The following ABCC10 variants were observed in gnomAD, a reference collection of about 807,000 sequenced individuals.
The protein encoded by ABCC10 is ATP-binding cassette sub-family C member 10.
ABCC10 carries 110 observed loss-of-function variants against 143.2 expected under a neutral mutation model. The ratio of observed to expected loss-of-function variants is 0.77; its 90% CI spans 0.66 to 0.90. ABCC10 has a LOEUF of 0.90. ABCC10 is among the 40% of genes least tolerant of loss of function. The probability of loss-of-function intolerance (pLI) is 0.00; values close to 1 mark genes in which losing one functional copy is unlikely to be tolerated. For synonymous variants in ABCC10, 805 were observed against 846.7 expected, an observed-to-expected ratio of 0.95 and a Z score of 0.85; for missense variants, 1,700 against 1,900.5, an observed-to-expected ratio of 0.89 and a Z score of 1.96.
rs775743306 is a variant in ABCC10 at position 43,446,383 on chromosome 6, G to A, written c.3481G>A (p.Ala1161Thr). 3.1e-5 allele frequency: 50 copies of A among 1,613,240 alleles called. No individual in the cohort carries two copies. The South Asian group carries it at 5.4e-4, about 17-fold the overall frequency. The stretch of plus-strand genomic sequence containing the variant: ...CATTCGGCTACAGCTCATGGGGGCG[G>A]CAGTGGTCAGCGCTATCGCAGGCAT... ...LDIRLQLMGA[A>T]VVSAIAGIAL... Residue 1161 changes from alanine (A) to threonine (T), a missense_variant, in exon 16 of 22, where the codon GCA becomes ACA. Physicochemically the swap from Ala to Thr is moderately conservative, Grantham distance 58. Coordinates refer to ENST00000372530, the MANE Select transcript of ABCC10 (RefSeq NM_001198934.2).
At chr6:43,437,433 CAAAAAAAAAA>C (rs57827467) in intron 6 of ABCC10, among the ~76,000 whole-genome samples, 7,695 of 102,480 alleles carry the variant, frequency 0.075, 321 homozygotes, top group Admixed American at 0.11. Flanking sequence ...AACATATGAC[CAAAAAAAAAA>C]AAAAAAAAAA....
Position 43,444,842 on chromosome 6 carries a change from C to T in ABCC10, c.2744C>T (p.Ala915Val). The T allele has an allele frequency of 6.2e-7, 1 of 1,613,810 alleles. No individual in the cohort carries two copies. Among genetic ancestry groups the T allele is most frequent in the Non-Finnish European group, 8.5e-7 (1 of 1,179,832 alleles). The change falls in exon 13 of 22, where the codon GCT becomes GTT. Residue 915 changes from alanine to valine, a missense_variant. Transcript: ENST00000372530. ...TCCCACTGGATCTCTCAGCTGAAGG[C>T]TGAGAATAGCTCCCAGGAGGCGCAA... ...WLSHWISQLK[A>V]ENSSQEAQPS...
rs761236583 is a variant in ABCC10 at position 43,432,341 on chromosome 6, G to T, written c.361G>T (p.Val121Leu). 7 of 1,613,870 alleles carry T rather than the reference G, an allele frequency of 4.3e-6. No homozygotes were observed. The East Asian group carries it at 1.3e-4, about 31-fold the overall frequency. ...GATCAGCCACAGCCTGGCCCTGTGG[G>T]TGTTGGCACATTCCCCTCATGGCCA... ...AWISHSLALW[V>L]LAHSPHGHSR... is the part of the protein sequence containing the mutation. The change falls in exon 3 of 22, where the codon GTG becomes TTG. Residue 121 changes from valine (V) to leucine (L), a missense_variant. Val to Leu is a conservative substitution (Grantham distance 32). Transcript: ENST00000372530.
rs754462368 is a variant in ABCC10, at chr6:43,435,758, CGGCCCT to C, written c.1620_1625del (p.Ala542_Leu543del). 1.2e-6 allele frequency: 2 copies of C among 1,614,004 alleles called. No homozygotes were observed. The highest frequency in any genetic ancestry group is 2.2e-5 in the South Asian group (2 of 91,070). ...TGCACCCACCTCACTCAGGTGTTCACGGCCCTGGCACTGGTGCGAATGCTCATTCTT... is the reference window on the plus strand; with the variant it reads ...TGCACCCACCTCACTCAGGTGTTCACGGCACTGGTGCGAATGCTCATTCTT... On this transcript the variant is annotated inframe_deletion, in exon 5 of 22. Transcript: ENST00000372530.
chr6:43,445,423 A>G, intron 14 of ABCC10, 109 bp downstream of exon 14: 1 of 1,384,220 alleles, frequency 7.2e-7, no homozygotes, highest in South Asian at 1.3e-5. Context: ...CTGCCCTGGG[A>G]TATTCTTCCT....
At chr6:43,444,389 G>A (rs768065946) in intron 12 of ABCC10, 36 bp downstream of exon 12, 52 of 1,559,898 alleles carry the variant, frequency 3.3e-5, no homozygotes, top group South Asian at 3.3e-4. Flanking sequence ...ACATCGTAAC[G>A]GCTGTGCTGT....
chr6:43,427,686 A>G lies in ABCC10; in HGVS notation c.-83A>G, dbSNP rs949437847. 9.7e-6 allele frequency: 5 copies of G among 516,970 alleles called. No individual in the cohort carries two copies. The highest frequency in any genetic ancestry group is 7.7e-5 in the African/African-American group (4 of 51,824). The allele number at this position is 516,970 out of a possible 1,614,324, so 32.0% of individuals were successfully genotyped here. ...CTCAGGATATCGGAATCCGGTGCAC[A>G]GCAGCTTCTTCAGGTTTGAGGTTCC... On this transcript the variant is annotated 5_prime_UTR_variant, in exon 1 of 22. Coordinates refer to ENST00000372530, the MANE Select transcript of ABCC10 (RefSeq NM_001198934.2).
chr6:43,441,783 C>T, intron 8 of ABCC10, 79 bp from the exon 9 acceptor site: 1 of 1,209,356 alleles, frequency 8.3e-7, no homozygotes. Context: ...TTGACTCCCA[C>T]TATCTCCTGC....
In ABCC10 at chr6:43,446,444, C is replaced by T. The variant is rs768692045; in HGVS notation, c.3542C>T (p.Pro1181Leu). 6.2e-7 allele frequency: 1 copy of T among 1,610,068 alleles called. No individual in the cohort carries two copies. The highest frequency in any genetic ancestry group is 1.1e-5 in the South Asian group (1 of 90,906). ...CAGCACCAGCAGGGCCTCGCTAACC[C>T]AGGTGCCACCCAGGACCCCTCACCC... ...LVQHQQGLAN[P>L]GLVGLSLSYA... The change falls in exon 16 of 22, where the codon CCA becomes CTA. Residue 1181 changes from proline (P) to leucine (L), a missense_variant and splice_region_variant. Pro to Leu is a moderately conservative substitution (Grantham distance 98). Coordinates refer to ENST00000372530, the MANE Select transcript of ABCC10 (RefSeq NM_001198934.2).
chr6:43,443,516 A>T lies in ABCC10; in HGVS notation c.2416+357A>T, dbSNP rs1487158557. 3.5e-6 allele frequency: 1 copy of T among 283,790 alleles called. No homozygotes were observed. The highest frequency in any genetic ancestry group is 2.2e-5 in the African/African-American group (1 of 46,284). 17.6% of individuals were successfully genotyped at this position (283,790 alleles called of 1,614,324 possible). On this transcript the variant is annotated intron_variant, in intron 10 of 21. Coordinates refer to ENST00000372530, the MANE Select transcript of ABCC10 (RefSeq NM_001198934.2). The surrounding 1 kb of genome is among the most constrained non-coding windows in gnomAD (Gnocchi z 4.2). ...CTCTGAAAGATTTTTATGCAGAGGG[A>T]TGTGACCACCTGCAAGTTTACTGGG...
At chr6:43,433,990 G>A (rs1345620181) in intron 3 of ABCC10, among the ~76,000 whole-genome samples, 2 of 152,356 alleles carry the variant, frequency 1.3e-5, no homozygotes, top group Admixed American at 6.5e-5. Flanking sequence ...CATAGTTGTC[G>A]ACCCTTAGTG....
Position 43,433,126 on chromosome 6 carries a change from C to T in ABCC10, c.1146C>T (p.Asn382=). Residue 382 remains asparagine (N), a synonymous_variant, in exon 3 of 22, where the codon AAC becomes AAT. Coordinates refer to ENST00000372530, the MANE Select transcript of ABCC10 (RefSeq NM_001198934.2). ...GCCCTCCTACTGGGGAGGCCCTGAA[C>T]CTACTAGGCACTGACTCTGAACGGC... ...PSRPPTGEAL[N]LLGTDSERLL... is the part of the protein sequence containing the mutation. 6.2e-7 allele frequency: 1 copy of T among 1,614,168 alleles called. No homozygotes were observed. Among genetic ancestry groups the T allele is most frequent in the South Asian group, 1.1e-5 (1 of 91,092 alleles).
At chr6:43,430,949 G>C (rs4355606) in intron 2 of ABCC10, 133,270 of 152,018 alleles carry the variant, frequency 0.88, 58,516 homozygotes, top group East Asian at 0.95. Flanking sequence ...GTCTCAAACT[G>C]CTGATCTCAA....
In ABCC10 at chr6:43,450,114, G is replaced by A. The variant is rs7752305; in HGVS notation, c.*23G>A. The A allele has an allele frequency of 6.4e-7, 1 of 1,569,186 alleles. No homozygotes were observed. The highest frequency in any genetic ancestry group is 8.7e-7 in the Non-Finnish European group (1 of 1,155,390). The stretch of plus-strand genomic sequence containing the variant: ...TGAGCCCAATCCCACACCCTGCAGA[G>A]TTCTCCCCTCTCTCTGATCCAGGCC... On this transcript the variant is annotated 3_prime_UTR_variant, in exon 22 of 22. Transcript: ENST00000372530. The surrounding 1 kb of genome is among the most constrained non-coding windows in gnomAD (Gnocchi z 4.5).
At chr6:43,451,389 C>G (rs562998582), downstream of ABCC10, 5 of 1,262,946 alleles carry the variant, frequency 4.0e-6, no homozygotes, top group Non-Finnish European at 5.4e-6. The surrounding 1 kb of genome is among the most constrained non-coding windows in gnomAD (Gnocchi z 4.4). Context: ...CACTCCGAGC[C>G]TCAAATACCT....
chr6:43,441,034 C>CGGAG (rs753832060), intron 8 of ABCC10, among the ~76,000 whole-genome samples: 5 of 151,816 alleles, frequency 3.3e-5, no homozygotes, highest in Non-Finnish European at 7.4e-5. Flanking sequence ...ACCCGAGAGG[C>CGGAG]GGAGGTTGCA....
At position 43,449,887 on chromosome 6, in the gene ABCC10, A is replaced by G. The variant is rs770481549; in HGVS notation, c.4317-42A>G. The G allele has an allele frequency of 6.8e-6, 11 of 1,610,160 alleles. No homozygotes were observed. In the South Asian group the frequency reaches 9.9e-5, roughly 14 times the overall value. On this transcript the variant is annotated intron_variant, in intron 21 of 21. Coordinates refer to ENST00000372530, the MANE Select transcript of ABCC10 (RefSeq NM_001198934.2). ...GCAGGTCAGTGTTCTTACTTAGGGC[A>G]TTGTCCCTCATCCCCTACACTGACC...
rs1474892029 is a variant in ABCC10, at chr6:43,443,623, G to A, written c.2417-310G>A. ...AGAAAAAGCTCTGCAGTAATGAGAA[G>A]TAACCCTGGACAGAGTGGCAGGCAT... is the stretch of plus-strand genomic sequence containing the variant. On this transcript the variant is annotated intron_variant, in intron 10 of 21. Coordinates refer to ENST00000372530, the MANE Select transcript of ABCC10 (RefSeq NM_001198934.2). This position sits in a 1 kb window ranked among gnomAD's most constrained non-coding sequence, Gnocchi z 4.2. 1.4e-5 allele frequency: 5 copies of A among 346,714 alleles called. No individual in the cohort carries two copies. The highest frequency in any genetic ancestry group is 2.6e-5 in the Non-Finnish European group (5 of 189,222). The allele number at this position is 346,714 out of a possible 1,614,324, so 21.5% of individuals were successfully genotyped here.
intron 6 of ABCC10, 129 bp downstream of exon 6, chr6:43,436,376 G>C (rs2127390667): frequency 8.7e-7 from 1 of 1,154,172 alleles, no homozygotes; most frequent in East Asian, 2.4e-5. Context: ...AGGAGGGATA[G>C]GCATTTGGTG....
Sources: allele counts gnomAD v4.1 joint callset (sites outside exome capture counted in the v4.1 genomes callset), GRCh38; gene constraint gnomAD v4.1.1; non-coding constraint Gnocchi (gnomAD v3.1); transcripts MANE v1.5; gene names NCBI Gene and HGNC (gene_info 2026-07-23, HGNC 2026-07-21).